Variants in NXPH1 observed in about 807,000 individuals in gnomAD.
NXPH1 encodes neurexophilin 1.
NXPH1 carries 5 observed loss-of-function variants against 23.7 expected under a neutral mutation model. The ratio of observed to expected loss-of-function variants is 0.21; its 90% CI spans 0.11 to 0.44. The LOEUF is 0.44. Among genes scored for constraint, NXPH1 ranks in the 20% least tolerant of loss-of-function variants. The pLI is 0.99. For missense variants in NXPH1, 324 were observed against 321.6 expected (o/e 1.01, Z -0.06); for synonymous variants, 144 against 122.2 (o/e 1.18, Z -1.18).
At chr7:8,545,551 A>G (rs17150938) in intron 2 of NXPH1, among the ~76,000 whole-genome samples, 4,288 of 151,598 alleles carry the variant, frequency 0.028, 202 homozygotes, top group African/African-American at 0.098. Flanking sequence ...TAATTAAAAT[A>G]AAACAAAATA....
rs1325393563 is a variant in NXPH1 at position 8,437,118 on chromosome 7, A to T, written c.54+1351A>T. Among the ~76,000 whole-genome samples, 11 of 152,212 alleles carry T rather than the reference A, an allele frequency of 7.2e-5. No homozygotes were observed. The East Asian group carries it at 1.9e-3, about 27-fold the overall frequency. On this transcript the variant is annotated intron_variant, in intron 2 of 2. Coordinates refer to ENST00000405863, the MANE Select transcript of NXPH1 (RefSeq NM_152745.3). ...GCATCAGCGTCCTCGCCCACAGGAC[A>T]CCTTGGGGTAAACAGGTGAAAGCCA... is the stretch of plus-strand genomic sequence containing the variant.
At chr7:8,562,829 A>C (rs915752527) in intron 2 of NXPH1, among the ~76,000 whole-genome samples, 1 of 151,718 alleles carries the variant, frequency 6.6e-6, no homozygotes, top group African/African-American at 2.4e-5. Context: ...AGATTGAAAA[A>C]ACATATCTCT....
intron 2 of NXPH1, among the ~76,000 whole-genome samples, chr7:8,632,648 A>C (rs1820153592): frequency 6.6e-6 from 1 of 152,172 alleles, no homozygotes; most frequent in Non-Finnish European, 1.5e-5. Flanking sequence ...ATTCTCCTCA[A>C]AGATGGCAGC....
At chr7:8,466,277 G>A (rs1339323601) in intron 2 of NXPH1, among the ~76,000 whole-genome samples, 1 of 152,170 alleles carries the variant, frequency 6.6e-6, no homozygotes. Context: ...AGCTAATGGA[G>A]TTGATATATT....
intron 2 of NXPH1, among the ~76,000 whole-genome samples, chr7:8,528,745 G>A (rs1469480416): frequency 6.6e-6 from 1 of 152,200 alleles, no homozygotes; most frequent in African/African-American, 2.4e-5. Context: ...TATTAAAGTT[G>A]AGACATCTGT....
chr7:8,448,671 G>A (rs1317802022), intron 2 of NXPH1, among the ~76,000 whole-genome samples: 2 of 152,110 alleles, frequency 1.3e-5, no homozygotes, highest in African/African-American at 2.4e-5. Flanking sequence ...CAAAAAACGA[G>A]CCGGGTGTGG....
chr7:8,725,188 A>T (rs1360960591), intron 2 of NXPH1, among the ~76,000 whole-genome samples: 5 of 152,186 alleles, frequency 3.3e-5, no homozygotes, highest in Non-Finnish European at 7.3e-5. Flanking sequence ...TCCCTGAGCT[A>T]TGCCGAAGAA....
chr7:8,709,522 G>A (rs1360326932), intron 2 of NXPH1, among the ~76,000 whole-genome samples: 1 of 151,916 alleles, frequency 6.6e-6, no homozygotes, highest in African/African-American at 2.4e-5. Context: ...GATTTTTGAG[G>A]CACTCTGGGG....
intron 2 of NXPH1, among the ~76,000 whole-genome samples, chr7:8,723,061 A>G (rs1166549353): frequency 6.6e-6 from 1 of 152,188 alleles, no homozygotes; most frequent in African/African-American, 2.4e-5. Flanking sequence ...CTGTTAATGA[A>G]CACTTTTACA....
chr7:8,739,161 A>C (rs1780315304), intron 2 of NXPH1, among the ~76,000 whole-genome samples: 1 of 110,104 alleles, frequency 9.1e-6, no homozygotes, highest in African/African-American at 3.7e-5. Context: ...AGTTCCAGGC[A>C]CCAGTGGGGT....
At chr7:8,609,937 G>A (rs755257741) in intron 2 of NXPH1, among the ~76,000 whole-genome samples, 11 of 152,114 alleles carry the variant, frequency 7.2e-5, no homozygotes, top group Non-Finnish European at 1.3e-4. Flanking sequence ...ATCCCTTGGC[G>A]AAGAAGGTAT....
chr7:8,580,309 C>G lies in NXPH1; in HGVS notation c.54+144542C>G, dbSNP rs1354840585. Among the ~76,000 whole-genome samples the G allele has an allele frequency of 3.9e-5, 6 of 152,150 alleles. No individual in the cohort carries two copies. In the East Asian group the frequency reaches 1.2e-3, roughly 29 times the overall value. ...CTGCTATTGTTAAAAGTTTATACTT[C>G]CACTGCCTATGACACCTTGAAAGAT... is the stretch of plus-strand genomic sequence containing the variant. On this transcript the variant is annotated intron_variant, in intron 2 of 2. Transcript: ENST00000405863.
At chr7:8,627,766 G>T (rs6972698) in intron 2 of NXPH1, among the ~76,000 whole-genome samples, 3,718 of 152,106 alleles carry the variant, frequency 0.024, 140 homozygotes, top group African/African-American at 0.078. Flanking sequence ...AAAGCAGAAG[G>T]GTAGAAGCTG....
chr7:8,658,371 G>T (rs1259471810), intron 2 of NXPH1, among the ~76,000 whole-genome samples: 1 of 152,176 alleles, frequency 6.6e-6, no homozygotes, highest in Non-Finnish European at 1.5e-5. Flanking sequence ...CATTTAGTAT[G>T]TGGCAATGTT....
intron 2 of NXPH1, among the ~76,000 whole-genome samples, chr7:8,488,000 G>A (rs529460619): frequency 1.3e-5 from 2 of 152,250 alleles, no homozygotes; most frequent in Admixed American, 6.5e-5. Flanking sequence ...GTCATCAGTT[G>A]TAACTTGGCA....
rs150339701 is a variant in NXPH1, at chr7:8,571,556, G to C, written c.54+135789G>C. On this transcript the variant is annotated intron_variant, in intron 2 of 2. Transcript: ENST00000405863. Reference sequence around the variant, plus strand: ...ATAATGAGGAAAATCTTAAGAAAGCGGTTATCTTAATGTCAAGGAAGAGTC... The same window carrying C: ...ATAATGAGGAAAATCTTAAGAAAGCCGTTATCTTAATGTCAAGGAAGAGTC... Among the ~76,000 whole-genome samples, 73 of 151,712 alleles carry C rather than the reference G, an allele frequency of 4.8e-4. 1 individual carries two copies. The highest frequency in any genetic ancestry group is 9.7e-4 in the Non-Finnish European group (66 of 67,836).
chr7:8,629,907 C>T (rs1318037473), intron 2 of NXPH1, among the ~76,000 whole-genome samples: 1 of 152,114 alleles, frequency 6.6e-6, no homozygotes, highest in Admixed American at 6.6e-5. Context: ...AACCTTTTGC[C>T]TCTGTGAGAA....
chr7:8,709,708 C>G (rs1203832032), intron 2 of NXPH1, among the ~76,000 whole-genome samples: 2 of 152,178 alleles, frequency 1.3e-5, no homozygotes, highest in Non-Finnish European at 2.9e-5. Context: ...TATGAGAACA[C>G]TGGTGAATAT....
At chr7:8,711,283 T>C (rs1314319857) in intron 2 of NXPH1, among the ~76,000 whole-genome samples, 1 of 152,250 alleles carries the variant, frequency 6.6e-6, no homozygotes, top group African/African-American at 2.4e-5. Context: ...TACTTTGTTT[T>C]CTTTTTGAAG....
Sources: gnomAD v4.1 joint callset for allele counts (sites outside exome capture counted in the v4.1 genomes callset) on GRCh38, gnomAD v4.1.1 for gene constraint, MANE v1.5 for transcripts, NCBI Gene and HGNC (gene_info 2026-07-23, HGNC 2026-07-21) for gene names.